The following MPHOSPH9 variants were observed in gnomAD, a reference collection of about 807,000 sequenced individuals.
MPHOSPH9 encodes the protein M-phase phosphoprotein 9.
MPHOSPH9 carries 88 observed loss-of-function variants against 145.5 expected under a neutral mutation model. That is an observed-to-expected ratio of 0.60 (90% CI 0.51 to 0.72). The LOEUF is 0.72. Ranked by LOEUF, MPHOSPH9 falls within the 30% of genes least tolerant of loss-of-function variation. MPHOSPH9 has a pLI of 0.00. For missense variants in MPHOSPH9, 1,238 were observed against 1,386.6 expected, an observed-to-expected ratio of 0.89 and a Z score of 1.70; for synonymous variants, 435 against 486.2, an observed-to-expected ratio of 0.89 and a Z score of 1.39.
At chr12:123,176,004 A>C (rs1171517048) in intron 16 of MPHOSPH9, among the ~76,000 whole-genome samples, 3 of 152,144 alleles carry the variant, frequency 2.0e-5, no homozygotes, top group African/African-American at 7.2e-5. Context: ...AAATTCTGGA[A>C]TTACAGACGT....
Position 123,163,104 on chromosome 12 carries a change from G to A in MPHOSPH9, c.2939C>T (p.Thr980Ile). Residue 980 changes from threonine to isoleucine, a missense_variant, in exon 20 of 24, where the codon ACT becomes ATT. Around this residue, in one of 3 missense-constraint regions of MPHOSPH9, gnomAD observed 393 missense variants for 462.5 expected, o/e 0.85. Coordinates refer to ENST00000606320, the MANE Select transcript of MPHOSPH9 (RefSeq NM_022782.4). ...TKREIMLTPV[T>I]VAYSPKRSPK... is the part of the protein sequence containing the mutation. ...GGATCGCTTTGGACTATAAGCCACA[G>A]TCACTGGTGTTAGCATAATCTCTCT... The A allele has an allele frequency of 1.3e-6, 2 of 1,588,282 alleles. No individual in the cohort carries two copies. Among genetic ancestry groups the A allele is most frequent in the Non-Finnish European group, 1.7e-6 (2 of 1,172,334 alleles).
At chr12:123,171,021 C>T (rs2044553373) in intron 16 of MPHOSPH9, among the ~76,000 whole-genome samples, 1 of 152,198 alleles carries the variant, frequency 6.6e-6, no homozygotes, top group Non-Finnish European at 1.5e-5. Flanking sequence ...TATTAGCCAT[C>T]AGGGATCTGT....
chr12:123,229,836 T>TTTTG (rs1202744281), intron 2 of MPHOSPH9, among the ~76,000 whole-genome samples: 1 of 151,440 alleles, frequency 6.6e-6, no homozygotes, highest in African/African-American at 2.4e-5. Flanking sequence ...TTTTTTTTTT[T>TTTTG]TTTGAGACAG....
intron 3 of MPHOSPH9, among the ~76,000 whole-genome samples, chr12:123,225,645 A>C (rs955142258): frequency 5.9e-5 from 9 of 152,146 alleles, no homozygotes; most frequent in African/African-American, 9.7e-5. Flanking sequence ...TCTAATTATC[A>C]AAAGTAACAA....
At chr12:123,220,783 A>C (rs1630905) in intron 5 of MPHOSPH9, among the ~76,000 whole-genome samples, 97,534 of 151,754 alleles carry the variant, frequency 0.64, 35,805 homozygotes, top group East Asian at 1. Context: ...TGGCTGGGCG[A>C]GGTGGCTCAC....
intron 16 of MPHOSPH9, among the ~76,000 whole-genome samples, chr12:123,174,185 T>C (rs2044721802): frequency 6.6e-6 from 1 of 152,070 alleles, no homozygotes; most frequent in South Asian, 2.1e-4. Context: ...ACAAGTTGGG[T>C]TTTGCACTCA....
In MPHOSPH9 at chr12:123,171,782, T is replaced by TTA. The variant is rs945077215; in HGVS notation, c.2456+4904_2456+4905dup. 1.7e-3 allele frequency among the ~76,000 whole-genome samples: 254 copies of TTA among 151,866 alleles called. 1 individual carries two copies. The highest frequency in any genetic ancestry group is 5.6e-3 in the African/African-American group (230 of 41,410). ...CAAACAAACAAACAAAAAACATATA[T>TTA]TATATATATATCTCAAGCACACATA... On this transcript the variant is annotated intron_variant, in intron 16 of 23. Coordinates refer to ENST00000606320, the MANE Select transcript of MPHOSPH9 (RefSeq NM_022782.4).
intron 1 of MPHOSPH9, among the ~76,000 whole-genome samples, chr12:123,241,618 G>A (rs1194880952): frequency 1.3e-5 from 2 of 152,108 alleles, no homozygotes; most frequent in Non-Finnish European, 2.9e-5. Context: ...GGGATTACAG[G>A]CACGAACCAC....
chr12:123,158,302 A>C (rs1400627411), intron 23 of MPHOSPH9, among the ~76,000 whole-genome samples: 1 of 152,080 alleles, frequency 6.6e-6, no homozygotes, highest in Non-Finnish European at 1.5e-5. Flanking sequence ...GCCGTGTATC[A>C]TTTTTAAAAG....
intron 1 of MPHOSPH9, 31 bp from the exon 2 acceptor site, chr12:123,230,553 T>C (rs564338391): frequency 9.6e-5 from 43 of 445,934 alleles, no homozygotes; most frequent in Non-Finnish European, 1.4e-4. Flanking sequence ...AAAATACTAC[T>C]ATAAAAAGCC....
intron 13 of MPHOSPH9, among the ~76,000 whole-genome samples, chr12:123,182,083 GGC>G (rs2138107546): frequency 6.6e-6 from 1 of 151,866 alleles, no homozygotes; most frequent in South Asian, 2.1e-4. Context: ...TGGGACTACA[GGC>G]GCACGCCACC....
Position 123,202,748 on chromosome 12 carries a change from C to T in MPHOSPH9, c.1657G>A (p.Asp553Asn). 6.2e-7 allele frequency: 1 copy of T among 1,614,142 alleles called. No homozygotes were observed. Among genetic ancestry groups the T allele is most frequent in the South Asian group, 1.1e-5 (1 of 91,078 alleles). The stretch of plus-strand genomic sequence containing the variant: ...GCAACCATGACAGTGTTTTCTTCAT[C>T]TACAGTGTTGACCGAGATATCATTA... Reference protein sequence around the residue: ...TSNDISVNTVDEENTVMVASA... With the variant: ...TSNDISVNTVNEENTVMVASA... Residue 553 changes from aspartate (D) to asparagine (N), a missense_variant, in exon 10 of 24, where the codon GAT becomes AAT. Physicochemically the swap from Asp to Asn is conservative, Grantham distance 23. Coordinates refer to ENST00000606320, the MANE Select transcript of MPHOSPH9 (RefSeq NM_022782.4).
At chr12:123,222,193 T>C (rs1305778743) in intron 4 of MPHOSPH9, among the ~76,000 whole-genome samples, 2 of 150,914 alleles carry the variant, frequency 1.3e-5, no homozygotes, top group Admixed American at 6.6e-5. Flanking sequence ...GACACGGTGG[T>C]GCGCATCTGT....
chr12:123,193,016 G>A (rs1251559138), intron 13 of MPHOSPH9, among the ~76,000 whole-genome samples: 1 of 141,770 alleles, frequency 7.1e-6, no homozygotes, highest in Non-Finnish European at 1.5e-5. Context: ...AGTTTGTAGT[G>A]AGCCAAAATC....
At chr12:123,168,802 TTC>T (rs925649173) in intron 16 of MPHOSPH9, among the ~76,000 whole-genome samples, 12 of 151,986 alleles carry the variant, frequency 7.9e-5, no homozygotes, top group African/African-American at 2.9e-4. Flanking sequence ...AACTCTTGTT[TTC>T]TCTCTGTCCC....
chr12:123,241,194 G>A (rs2047931443), intron 1 of MPHOSPH9, among the ~76,000 whole-genome samples: 1 of 149,072 alleles, frequency 6.7e-6, no homozygotes, highest in South Asian at 2.1e-4. Flanking sequence ...GTCTCACTAT[G>A]TTGCCCAAGC....
intron 11 of MPHOSPH9, among the ~76,000 whole-genome samples, chr12:123,200,206 A>C (rs562386970): frequency 7.2e-6 from 1 of 138,716 alleles, no homozygotes; most frequent in South Asian, 2.6e-4. Flanking sequence ...CAGTGTATAC[A>C]CTGATAACAA....
Position 123,199,931 on chromosome 12 carries a change from AG to A in MPHOSPH9, c.1938-1598del, listed in dbSNP as rs1232504579. ...CTGGGAACATAAGCTGGGCACTCCT[AG>A]TTCATGATCCTAACCACTGTGCATT... On this transcript the variant is annotated intron_variant, in intron 11 of 23. Coordinates refer to ENST00000606320, the MANE Select transcript of MPHOSPH9 (RefSeq NM_022782.4). 3.3e-5 allele frequency among the ~76,000 whole-genome samples: 5 copies of A among 152,314 alleles called. No homozygotes were observed. In the East Asian group the frequency reaches 9.6e-4, roughly 29 times the overall value.
chr12:123,242,790 G>A (rs376502704), intron 1 of MPHOSPH9, among the ~76,000 whole-genome samples: 1 of 152,158 alleles, frequency 6.6e-6, no homozygotes, highest in African/African-American at 2.4e-5. Flanking sequence ...TGGGAGTCTC[G>A]CCTTGCCTTG....
Sources: allele counts gnomAD v4.1 joint callset (sites outside exome capture counted in the v4.1 genomes callset), GRCh38; gene constraint gnomAD v4.1.1; regional missense constraint gnomAD v4.1.1; transcripts MANE v1.5; gene names NCBI Gene and HGNC (gene_info 2026-07-23, HGNC 2026-07-21).